SQOR: variants seen among roughly 807,000 people sequenced by gnomAD.
The protein encoded by SQOR is sulfide quinone oxidoreductase, also known as sulfide:quinone oxidoreductase, mitochondrial.
A neutral mutation model predicts 48.6 loss-of-function variants in SQOR; 39 were observed. The observed-to-expected ratio is 0.80, with a 90% CI of 0.62 to 1.05. The LOEUF is 1.05. Ranked by LOEUF, SQOR falls within the 50% of genes least tolerant of loss-of-function variation. The probability of loss-of-function intolerance (pLI) is 0.00; values close to 1 mark genes in which losing one functional copy is unlikely to be tolerated. For missense variants in SQOR, 561 were observed against 559.9 expected (o/e 1.00, Z -0.02); for synonymous variants, 220 against 206.2 (o/e 1.07, Z -0.57).
intron 2 of SQOR, among the ~76,000 whole-genome samples, chr15:45,659,605 C>A (rs1225600292): frequency 6.6e-6 from 1 of 152,184 alleles, no homozygotes; most frequent in Non-Finnish European, 1.5e-5. Flanking sequence ...TTGCCACTCT[C>A]TGGCTTGTAG....
At chr15:45,651,235 G>A (rs532172923) in intron 1 of SQOR, among the ~76,000 whole-genome samples, 29 of 152,330 alleles carry the variant, frequency 1.9e-4, no homozygotes, top group East Asian at 3.9e-4. Flanking sequence ...TGCACCCTCC[G>A]CAGCTGCTGG....
intron 5 of SQOR, among the ~76,000 whole-genome samples, chr15:45,675,663 G>C (rs911797894): frequency 3.3e-5 from 5 of 152,152 alleles, no homozygotes; most frequent in African/African-American, 1.2e-4. Context: ...GCCTCCCAAA[G>C]TGCTAGGATT....
At chr15:45,670,160 G>C (rs891884533) in intron 4 of SQOR, among the ~76,000 whole-genome samples, 179 bp downstream of exon 4, 2 of 152,178 alleles carry the variant, frequency 1.3e-5, no homozygotes, top group Non-Finnish European at 2.9e-5. Flanking sequence ...AGATTCTGTC[G>C]ATAATAACCA....
At chr15:45,689,272 C>A in intron 9 of SQOR, 55 bp downstream of exon 9, 3 of 1,565,594 alleles carry the variant, frequency 1.9e-6, no homozygotes, top group Non-Finnish European at 2.6e-6. Context: ...CACATCTCCA[C>A]CCAAAGGGGA....
At chr15:45,649,240 G>T (rs941457560) in intron 1 of SQOR, among the ~76,000 whole-genome samples, 1 of 152,190 alleles carries the variant, frequency 6.6e-6, no homozygotes, top group Non-Finnish European at 1.5e-5. Context: ...GGCCAGTGAT[G>T]GAAGTAGGGG....
At chr15:45,669,797 A>G in intron 3 of SQOR, 131 bp from the exon 4 acceptor site, 2 of 753,762 alleles carry the variant, frequency 2.7e-6, no homozygotes, top group East Asian at 2.5e-5. Context: ...CGATTTTCTC[A>G]TCTGTTCTAT....
chr15:45,667,968 A>T (rs1889869282), intron 3 of SQOR, among the ~76,000 whole-genome samples: 1 of 112,512 alleles, frequency 8.9e-6, no homozygotes, highest in Admixed American at 1.1e-4. Flanking sequence ...TTTTTGAGAT[A>T]GAGTCTCTCA....
chr15:45,676,448 G>A (rs1890038944), intron 6 of SQOR, 138 bp downstream of exon 6: 1 of 913,108 alleles, frequency 1.1e-6, no homozygotes, highest in Non-Finnish European at 1.6e-6. Flanking sequence ...TTAGGGAAGT[G>A]TTAGGGCAAG....
At chr15:45,678,786 C>T (rs746364771) in intron 6 of SQOR, among the ~76,000 whole-genome samples, 20 of 152,076 alleles carry the variant, frequency 1.3e-4, no homozygotes, top group Non-Finnish European at 2.5e-4. Context: ...GCTGTCAGGC[C>T]GTTGTTAGTG....
At chr15:45,650,975 G>A (rs943617473) in intron 1 of SQOR, among the ~76,000 whole-genome samples, 3 of 152,324 alleles carry the variant, frequency 2.0e-5, no homozygotes, top group East Asian at 3.9e-4. Flanking sequence ...TGCCAGAGCC[G>A]AGGCGGAGCT....
intron 7 of SQOR, among the ~76,000 whole-genome samples, chr15:45,684,612 C>CTCT (rs1491400658): frequency 2.5e-5 from 3 of 120,530 alleles, no homozygotes; most frequent in African/African-American, 8.3e-5. Context: ...CTCTCTCTCT[C>CTCT]TTTTTTTTTC....
chr15:45,662,051 G>A lies in SQOR; in HGVS notation c.331G>A (p.Val111Ile), dbSNP rs767503060. ...RPTASVIPSG[V>I]EWIKARVTEL... is the part of the protein sequence containing the mutation. ...CACGGCAAGTGTGATTCCATCTGGT[G>A]TAGAATGGATCAAAGCTAGAGTGAC... The change falls in exon 3 of 10, where the codon GTA (valine) becomes ATA (isoleucine). Residue 111 changes from valine (V) to isoleucine (I), a missense_variant. Coordinates refer to ENST00000260324, the MANE Select transcript of SQOR (RefSeq NM_021199.4). 3 of 1,614,226 alleles carry A rather than the reference G, an allele frequency of 1.9e-6. No homozygotes were observed. The highest frequency in any genetic ancestry group is 2.5e-6 in the Non-Finnish European group (3 of 1,180,038).
chr15:45,640,817 A>G (rs1895093406), intron 1 of SQOR, among the ~76,000 whole-genome samples: 1 of 152,122 alleles, frequency 6.6e-6, no homozygotes, highest in Non-Finnish European at 1.5e-5. Flanking sequence ...CACTGATTCC[A>G]CCTCAGGCTT....
At chr15:45,686,293 A>G (rs184729200) in intron 7 of SQOR, among the ~76,000 whole-genome samples, 2 of 152,204 alleles carry the variant, frequency 1.3e-5, no homozygotes, top group Admixed American at 1.3e-4. Flanking sequence ...CTAGGATTAT[A>G]GGCACCTGCC....
chr15:45,669,037 A>G (rs1889890377), intron 3 of SQOR, among the ~76,000 whole-genome samples: 1 of 151,944 alleles, frequency 6.6e-6, no homozygotes, highest in Non-Finnish European at 1.5e-5. Context: ...GCAATCTCCC[A>G]ATTACGATAT....
chr15:45,683,423 A>G (rs1890159495), intron 7 of SQOR, among the ~76,000 whole-genome samples: 1 of 152,252 alleles, frequency 6.6e-6, no homozygotes, highest in Admixed American at 6.5e-5. Flanking sequence ...CCTGAGTGGT[A>G]CACGATTAAG....
At chr15:45,642,614 C>T (rs1447828815) in intron 1 of SQOR, among the ~76,000 whole-genome samples, 2 of 152,142 alleles carry the variant, frequency 1.3e-5, no homozygotes, top group Admixed American at 6.5e-5. Context: ...CTTCCCAGAG[C>T]GCTAGACTGC....
At chr15:45,638,680 T>C (rs1486768603) in intron 1 of SQOR, among the ~76,000 whole-genome samples, 1 of 151,256 alleles carries the variant, frequency 6.6e-6, no homozygotes, top group African/African-American at 2.4e-5. Context: ...GCCAAGATTA[T>C]CATGCCACTG....
In SQOR at chr15:45,691,213, G is replaced by A. The variant is rs1446391352; in HGVS notation, c.*183G>A. 3 of 566,036 alleles carry A rather than the reference G, an allele frequency of 5.3e-6. No homozygotes were observed. The highest frequency in any genetic ancestry group is 3.3e-4 in the Middle Eastern group (1 of 3,018). 35.1% of individuals were successfully genotyped at this position (566,036 alleles called of 1,614,324 possible). Reference sequence around the variant, plus strand: ...AGCAACCATGTGGGCTACTCATGATGGGCTTGATTCTTTGGGAATAATAAA... The same window carrying A: ...AGCAACCATGTGGGCTACTCATGATAGGCTTGATTCTTTGGGAATAATAAA... On this transcript the variant is annotated 3_prime_UTR_variant, in exon 10 of 10. Transcript: ENST00000260324.
Sources: allele counts gnomAD v4.1 joint callset (sites outside exome capture counted in the v4.1 genomes callset), GRCh38; gene constraint gnomAD v4.1.1; transcripts MANE v1.5; gene names NCBI Gene and HGNC (gene_info 2026-07-23, HGNC 2026-07-21).